ST7L: variants seen among roughly 807,000 people sequenced by gnomAD.
The protein encoded by ST7L is suppressor of tumorigenicity 7 protein-like.
Under a neutral mutation model 72.5 loss-of-function variants are expected in ST7L, and 57 were observed. That is an observed-to-expected ratio of 0.79 (90% confidence interval 0.64 to 0.98). The LOEUF is 0.98. Among genes scored for constraint, ST7L ranks in the 50% least tolerant of loss-of-function variants. ST7L has a pLI of 0.00. For synonymous variants in ST7L, 221 were observed against 240.9 expected (o/e 0.92, Z 0.77); for missense variants, 576 against 672.2 (o/e 0.86, Z 1.58).
intron 9 of ST7L, 106 bp downstream of exon 9, chr1:112,581,886 C>T (rs1018297745): frequency 1.2e-6 from 1 of 803,138 alleles, no homozygotes; most frequent in East Asian, 2.7e-5. Context: ...TAAATACTGA[C>T]TGGTAAGAAC....
chr1:112,576,589 G>A (rs1163896435), intron 11 of ST7L, among the ~76,000 whole-genome samples: 1 of 152,042 alleles, frequency 6.6e-6, no homozygotes, highest in African/African-American at 2.4e-5. Context: ...TTCAGTTTTT[G>A]TCTACCCAAC....
At chr1:112,531,786 C>A (rs914845134) in intron 14 of ST7L, among the ~76,000 whole-genome samples, 6 of 152,158 alleles carry the variant, frequency 3.9e-5, no homozygotes, top group Non-Finnish European at 8.8e-5. Context: ...TGTTATAGGA[C>A]AATCATTACC....
downstream of ST7L, chr1:112,520,226 C>A (rs1012326768): frequency 5.9e-6 from 9 of 1,532,492 alleles, no homozygotes; most frequent in Non-Finnish European, 8.0e-6. Flanking sequence ...TTAAGGGTAT[C>A]CAGGGCAGCT....
At chr1:112,599,645 T>G (rs1203033449) in intron 4 of ST7L, among the ~76,000 whole-genome samples, 2 of 152,186 alleles carry the variant, frequency 1.3e-5, no homozygotes, top group Non-Finnish European at 2.9e-5. Context: ...CAATTTACAT[T>G]CAGAGTGATA....
At chr1:112,584,205 T>C in intron 6 of ST7L, 79 bp from the exon 7 acceptor site, 1 of 1,424,860 alleles carries the variant, frequency 7.0e-7, no homozygotes, top group South Asian at 1.4e-5. Flanking sequence ...CTTTGCTCTA[T>C]GTCATATTTC....
At chr1:112,588,821 G>C (rs114961230) in intron 6 of ST7L, among the ~76,000 whole-genome samples, 3,063 of 152,180 alleles carry the variant, frequency 0.02, 104 homozygotes, top group African/African-American at 0.069. Context: ...ATTTCTTCAA[G>C]TATTCTTTCT....
chr1:112,533,609 C>T lies in ST7L; in HGVS notation c.1630-7498G>A, dbSNP rs1352043496. The stretch of plus-strand genomic sequence containing the variant: ...GATTACAGGCGTGAACCACCACGCC[C>T]GGCTGAGTTCTTTATTTTTAAGTAA... On this transcript the variant is annotated intron_variant, in intron 14 of 14. Coordinates refer to ENST00000358039, the MANE Select transcript of ST7L (RefSeq NM_017744.5). Among the ~76,000 whole-genome samples, 5 of 151,986 alleles carry T rather than the reference C, an allele frequency of 3.3e-5. No homozygotes were observed. In the South Asian group the frequency reaches 8.3e-4, roughly 25 times the overall value.
In ST7L at chr1:112,538,347, A is replaced by G. The variant is rs537403993; in HGVS notation, c.1629+3604T>C. On this transcript the variant is annotated intron_variant, in intron 14 of 14. Transcript: ENST00000358039. ...CATAATGTGCCAGAAGCATAGTATTACAGTATTTTTTTTGAGACAGGGTCT... is the reference window on the plus strand; with the variant it reads ...CATAATGTGCCAGAAGCATAGTATTGCAGTATTTTTTTTGAGACAGGGTCT... 2.2e-4 allele frequency among the ~76,000 whole-genome samples: 33 copies of G among 152,174 alleles called. No individual in the cohort carries two copies. In the South Asian group the frequency reaches 6.4e-3, roughly 30 times the overall value.
At position 112,578,421 on chromosome 1, in the gene ST7L, T is replaced by C. The variant is rs1251084593; in HGVS notation, c.1070-4A>G. 1.9e-6 allele frequency: 3 copies of C among 1,613,658 alleles called. No homozygotes were observed. The highest frequency in any genetic ancestry group is 2.5e-6 in the Non-Finnish European group (3 of 1,179,556). On this transcript the variant is annotated splice_region_variant and splice_polypyrimidine_tract_variant and intron_variant, in intron 9 of 14. Coordinates refer to ENST00000358039, the MANE Select transcript of ST7L (RefSeq NM_017744.5). ...GCTGACTTTGGAAGGCTTATATCTG[T>C]AACGATAATTTTCAATTTAGGTAGG...
chr1:112,581,618 T>A (rs1200079167), intron 9 of ST7L, among the ~76,000 whole-genome samples: 1 of 152,074 alleles, frequency 6.6e-6, no homozygotes, highest in Non-Finnish European at 1.5e-5. Context: ...TTGCCCATGC[T>A]GGTCTCCAAC....
intron 14 of ST7L, chr1:112,526,425 A>G (rs1653408272): frequency 4.6e-6 from 1 of 219,606 alleles, no homozygotes; most frequent in South Asian, 1.1e-4. Flanking sequence ...GTCATGACAG[A>G]AAATTATTAA....
At chr1:112,614,983 ATTAAAG>A (rs1480059834) in intron 2 of ST7L, among the ~76,000 whole-genome samples, 1 of 152,088 alleles carries the variant, frequency 6.6e-6, no homozygotes, top group Non-Finnish European at 1.5e-5. Context: ...GAAAAGTTGA[ATTAAAG>A]TTAAACAGTT....
chr1:112,554,518 T>C (rs1199935262), intron 12 of ST7L, among the ~76,000 whole-genome samples: 3 of 152,338 alleles, frequency 2.0e-5, no homozygotes, highest in South Asian at 2.1e-4. Flanking sequence ...TGTGCCTTGC[T>C]GGTGGGAATG....
intron 4 of ST7L, 93 bp downstream of exon 4, chr1:112,600,701 A>C: frequency 1.9e-6 from 2 of 1,063,822 alleles, no homozygotes; most frequent in Non-Finnish European, 2.8e-6. Flanking sequence ...TTCTACTAGA[A>C]GAGCTGCGAT....
Position 112,576,999 on chromosome 1 carries a change from G to A in ST7L, c.1232C>T (p.Pro411Leu). 6.3e-7 allele frequency: 1 copy of A among 1,598,542 alleles called. No individual in the cohort carries two copies. The highest frequency in any genetic ancestry group is 1.3e-5 in the African/African-American group (1 of 74,532). The part of the protein sequence containing the change: ...EAIHRAVEFN[P>L]HVPKYLLEMK... ...AAAATTTCTCACTTTTGGAACATGA[G>A]GATTAAATTCCACAGCTCTATGAAT... Residue 411 changes from proline (P) to leucine (L), a missense_variant, in exon 11 of 15, where the codon CCT becomes CTT. Around this residue, in one of 3 missense-constraint regions of ST7L, gnomAD observed 511 missense variants for 600.7 expected, o/e 0.85. Coordinates refer to ENST00000358039, the MANE Select transcript of ST7L (RefSeq NM_017744.5).
chr1:112,591,463 T>TAA, intron 6 of ST7L, 62 bp downstream of exon 6: 2 of 1,433,588 alleles, frequency 1.4e-6, no homozygotes, highest in Non-Finnish European at 1.9e-6. Flanking sequence ...AAAGGAGACA[T>TAA]AAAAATCATT....
intron 11 of ST7L, among the ~76,000 whole-genome samples, chr1:112,576,090 AACC>A (rs1663050635): frequency 6.6e-6 from 1 of 152,020 alleles, no homozygotes; most frequent in Non-Finnish European, 1.5e-5. Flanking sequence ...TTGTTTGTAG[AACC>A]CCAATTTTTT....
chr1:112,572,656 G>A (rs1234091870), intron 11 of ST7L, among the ~76,000 whole-genome samples: 1 of 151,822 alleles, frequency 6.6e-6, no homozygotes, highest in African/African-American at 2.4e-5. Flanking sequence ...GAGGGAGGAT[G>A]CTTGAGGCCA....
chr1:112,602,952 T>C (rs1667658930), intron 3 of ST7L, among the ~76,000 whole-genome samples: 1 of 151,940 alleles, frequency 6.6e-6, no homozygotes, highest in African/African-American at 2.4e-5. Context: ...TCTGCTGACC[T>C]CGTGATCCAC....
Sources: allele counts gnomAD v4.1 joint callset (sites outside exome capture counted in the v4.1 genomes callset), GRCh38; gene constraint gnomAD v4.1.1; regional missense constraint gnomAD v4.1.1; transcripts MANE v1.5; gene names NCBI Gene and HGNC (gene_info 2026-07-23, HGNC 2026-07-21).